The following PRORP variants were observed in gnomAD, a reference collection of about 807,000 sequenced individuals.
The protein encoded by PRORP is mitochondrial ribonuclease P catalytic subunit.
In PRORP, 51 loss-of-function variants were observed where a neutral mutation model predicts 59.4. The observed-to-expected ratio is 0.86, with a 90% CI of 0.69 to 1.08. The LOEUF is 1.08. Among genes scored for constraint, PRORP ranks in the 50% least tolerant of loss-of-function variants. The probability of loss-of-function intolerance (pLI) is 0.00; values close to 1 mark genes in which losing one functional copy is unlikely to be tolerated. For missense variants in PRORP, 646 were observed against 690.3 expected, an observed-to-expected ratio of 0.94 and a Z score of 0.72; for synonymous variants, 231 against 245.6, an observed-to-expected ratio of 0.94 and a Z score of 0.55.
chr14:35,253,417 A>C (rs1594343069), intron 5 of PRORP, among the ~76,000 whole-genome samples: 1 of 151,800 alleles, frequency 6.6e-6, no homozygotes, highest in South Asian at 2.1e-4. Context: ...AGAAAGAAAA[A>C]AAGAAAAGAA....
intron 4 of PRORP, among the ~76,000 whole-genome samples, chr14:35,141,456 C>T (rs1489339242): frequency 7.0e-6 from 1 of 143,616 alleles, no homozygotes; most frequent in African/African-American, 2.5e-5. Context: ...TCTGTAGAGA[C>T]GGGGTCTCAC....
chr14:35,155,472 A>C (rs1208749990), intron 4 of PRORP, among the ~76,000 whole-genome samples: 1 of 150,850 alleles, frequency 6.6e-6, no homozygotes, highest in Non-Finnish European at 1.5e-5. Context: ...CTGTAATCCC[A>C]GCACTTCGGG....
intron 3 of PRORP, among the ~76,000 whole-genome samples, chr14:35,127,278 A>G (rs1380497131): frequency 2.6e-5 from 4 of 152,004 alleles, no homozygotes; most frequent in South Asian, 2.1e-4. Flanking sequence ...CAAACGGCCA[A>G]TCTACTTTTT....
At chr14:35,217,238 C>T (rs1478986503) in intron 5 of PRORP, among the ~76,000 whole-genome samples, 1 of 151,966 alleles carries the variant, frequency 6.6e-6, no homozygotes, top group Non-Finnish European at 1.5e-5. Flanking sequence ...CAGTGGCTCA[C>T]GCCTGTAATC....
intron 7 of PRORP, among the ~76,000 whole-genome samples, chr14:35,272,587 C>A (rs1300927526): frequency 6.6e-6 from 1 of 152,140 alleles, no homozygotes; most frequent in Non-Finnish European, 1.5e-5. Flanking sequence ...ATTGATCTTA[C>A]ATTTATAAAA....
At chr14:35,228,172 T>C (rs1165651109) in intron 5 of PRORP, among the ~76,000 whole-genome samples, 2 of 152,096 alleles carry the variant, frequency 1.3e-5, no homozygotes, top group Non-Finnish European at 2.9e-5. Context: ...AGACTTAAAA[T>C]CATAAGTGCT....
chr14:35,149,596 G>A (rs930901642), intron 4 of PRORP, among the ~76,000 whole-genome samples: 17 of 151,896 alleles, frequency 1.1e-4, no homozygotes, highest in Non-Finnish European at 1.8e-4. Context: ...TTTCTTCTAC[G>A]GCTTCATCAC....
chr14:35,186,398 C>G (rs4981271), intron 5 of PRORP, among the ~76,000 whole-genome samples: 8,965 of 151,086 alleles, frequency 0.059, 480 homozygotes, highest in Admixed American at 0.17. Flanking sequence ...ATAATATTCA[C>G]CCTTTTAAAG....
intron 5 of PRORP, among the ~76,000 whole-genome samples, chr14:35,188,736 G>A (rs1447965170): frequency 1.3e-5 from 2 of 151,674 alleles, no homozygotes; most frequent in Non-Finnish European, 2.9e-5. Context: ...CCAGAACTTT[G>A]GGATGCCAAG....
chr14:35,231,634 G>A (rs2050084139), intron 5 of PRORP, among the ~76,000 whole-genome samples: 1 of 152,152 alleles, frequency 6.6e-6, no homozygotes, highest in South Asian at 2.1e-4. Flanking sequence ...AGATGAATTG[G>A]AGTAGTCATA....
chr14:35,201,277 A>G (rs1233929004), intron 5 of PRORP, among the ~76,000 whole-genome samples: 1 of 152,074 alleles, frequency 6.6e-6, no homozygotes, highest in East Asian at 1.9e-4. Flanking sequence ...CCCTTGCCAT[A>G]CTGTACTCTT....
chr14:35,230,705 C>T (rs572104206), intron 5 of PRORP, among the ~76,000 whole-genome samples: 1 of 152,230 alleles, frequency 6.6e-6, no homozygotes, highest in African/African-American at 2.4e-5. Context: ...GGTAAAAGCA[C>T]AGAATAGGAA....
chr14:35,245,644 T>C (rs1243512731), intron 5 of PRORP, among the ~76,000 whole-genome samples: 2 of 152,106 alleles, frequency 1.3e-5, no homozygotes, highest in Admixed American at 1.3e-4. Flanking sequence ...AGACCCTCTC[T>C]CAAAAAAATA....
chr14:35,140,563 ACT>A (rs1450382916), intron 4 of PRORP, among the ~76,000 whole-genome samples: 1 of 145,520 alleles, frequency 6.9e-6, no homozygotes, highest in African/African-American at 2.4e-5. Flanking sequence ...AGTTGTAAGA[ACT>A]GTTTCTATAT....
chr14:35,235,603 G>C (rs1447406008), intron 5 of PRORP: 2 of 483,286 alleles, frequency 4.1e-6, no homozygotes, highest in Non-Finnish European at 7.8e-6. Flanking sequence ...CGTCCCCTTT[G>C]CCAGCAGCTT....
intron 4 of PRORP, among the ~76,000 whole-genome samples, chr14:35,150,058 C>T (rs928605705): frequency 2.0e-5 from 3 of 152,176 alleles, no homozygotes; most frequent in Admixed American, 6.5e-5. Flanking sequence ...GTTTCCCAGG[C>T]TGGTCTGGAA....
intron 5 of PRORP, among the ~76,000 whole-genome samples, chr14:35,247,427 A>G (rs1300583514): frequency 2.6e-5 from 4 of 152,196 alleles, no homozygotes; most frequent in African/African-American, 9.6e-5. Context: ...ACCAGAAAAC[A>G]GAATCCATAA....
chr14:35,256,324 A>ATTTTT (rs2050756730), intron 5 of PRORP, among the ~76,000 whole-genome samples: 1 of 109,084 alleles, frequency 9.2e-6, no homozygotes, highest in African/African-American at 3.9e-5. Context: ...AATTGTGCGT[A>ATTTTT]TCTTTTTTTT....
intron 5 of PRORP, among the ~76,000 whole-genome samples, chr14:35,203,737 G>A (rs746346158): frequency 6.6e-6 from 1 of 151,976 alleles, no homozygotes. Flanking sequence ...GGTGGCAGGC[G>A]CCTGTAGTCC....
Sources: allele counts gnomAD v4.1 joint callset (sites outside exome capture counted in the v4.1 genomes callset), GRCh38; gene constraint gnomAD v4.1.1; transcripts MANE v1.5; gene names NCBI Gene and HGNC (gene_info 2026-07-23, HGNC 2026-07-21).